Variants in OTUD7A observed in about 807,000 individuals in gnomAD.
OTUD7A encodes OTU deubiquitinase 7A, also known as OTU domain-containing protein 7A.
A neutral mutation model predicts 65.7 loss-of-function variants in OTUD7A; 12 were observed. That is an observed-to-expected ratio of 0.18 (90% CI 0.12 to 0.30). OTUD7A has a LOEUF of 0.30. Ranked by LOEUF, OTUD7A falls within the 10% of genes least tolerant of loss-of-function variation. OTUD7A has a pLI of 1.00. For synonymous variants in OTUD7A, 641 were observed against 586.3 expected (o/e 1.09, Z -1.35); for missense variants, 1,148 against 1,304.8 (o/e 0.88, Z 1.85).
chr15:31,869,315 C>A (rs1441117218), intron 1 of OTUD7A, among the ~76,000 whole-genome samples: 1 of 152,196 alleles, frequency 6.6e-6, no homozygotes, highest in Non-Finnish European at 1.5e-5. Context: ...AACCTGCCTC[C>A]CCGCCTTCGC....
At chr15:31,865,791 C>T (rs931499823) in intron 1 of OTUD7A, among the ~76,000 whole-genome samples, 3 of 152,132 alleles carry the variant, frequency 2.0e-5, no homozygotes, top group Non-Finnish European at 1.5e-5. Flanking sequence ...TCTGTTCACA[C>T]CAATCCCCAG....
At chr15:31,649,350 C>T (rs901848961) in intron 3 of OTUD7A, among the ~76,000 whole-genome samples, 3 of 152,196 alleles carry the variant, frequency 2.0e-5, no homozygotes, top group African/African-American at 7.2e-5. Flanking sequence ...CTCCTCCTTT[C>T]TCTTATTGGC....
chr15:31,481,975 T>C lies in OTUD7A; in HGVS notation c.*1319A>G, dbSNP rs1566875787. On this transcript the variant is annotated 3_prime_UTR_variant, in exon 13 of 13. Transcript: ENST00000307050. ...GGATTTTACCCATCTTATCCTCATT[T>C]CTTGGAAACAAGCTCGTTCCTTAGT... is the stretch of plus-strand genomic sequence containing the variant. 6.6e-6 allele frequency: 1 copy of C among 152,238 alleles called. No homozygotes were observed. The highest frequency in any genetic ancestry group is 1.5e-5 in the Non-Finnish European group (1 of 68,040). The allele number at this position is 152,238 out of a possible 1,614,324, so 9.4% of individuals were successfully genotyped here.
chr15:31,584,805 T>C (rs2141188708), intron 3 of OTUD7A, among the ~76,000 whole-genome samples: 1 of 152,266 alleles, frequency 6.6e-6, no homozygotes, highest in South Asian at 2.1e-4. Flanking sequence ...GTCTGCAAGG[T>C]GCAGTGTTCA....
At chr15:31,690,168 T>C (rs1054873226) in intron 1 of OTUD7A, among the ~76,000 whole-genome samples, 1 of 152,232 alleles carries the variant, frequency 6.6e-6, no homozygotes, top group African/African-American at 2.4e-5. Flanking sequence ...GTTGAAATCA[T>C]TTAAAATGTT....
In OTUD7A at chr15:31,855,555, A is replaced by G. The variant is rs1011455143; in HGVS notation, c.-100+14952T>C. On this transcript the variant is annotated intron_variant, in intron 1 of 12. Coordinates refer to ENST00000307050, the MANE Select transcript of OTUD7A (RefSeq NM_001382637.1). ...ATGTATCCACTGGAACTACTGATAA[A>G]AAGACTGATACTGTGTGATCCTGGA... 3.9e-5 allele frequency among the ~76,000 whole-genome samples: 6 copies of G among 152,232 alleles called. 1 individual carries two copies. The highest frequency in any genetic ancestry group is 8.8e-5 in the Non-Finnish European group (6 of 68,046).
In OTUD7A at chr15:31,484,512, G is replaced by A; in HGVS notation, c.1584C>T (p.Ser528=). 6.2e-7 allele frequency: 1 copy of A among 1,610,086 alleles called. No individual in the cohort carries two copies. Among genetic ancestry groups the A allele is most frequent in the East Asian group, 2.2e-5 (1 of 44,858 alleles). The change falls in exon 13 of 13, where the codon AGC becomes AGT. Residue 528 remains serine, a synonymous_variant. Coordinates refer to ENST00000307050, the MANE Select transcript of OTUD7A (RefSeq NM_001382637.1). This position sits in a 1 kb window ranked among gnomAD's most constrained non-coding sequence, Gnocchi z 4.5. ...DSVANKLGSF[S]KTLGIKLKKN... ...TCTTCAGCTTGATGCCCAGCGTCTT[G>A]CTGAAGCTGCCCAGCTTGTTGGCCA...
chr15:31,660,215 G>A (rs943946198), intron 1 of OTUD7A, among the ~76,000 whole-genome samples: 9 of 152,226 alleles, frequency 5.9e-5, no homozygotes, highest in Admixed American at 5.9e-4. Flanking sequence ...CCGGCCTGGC[G>A]AGGAAGCCCA....
intron 1 of OTUD7A, among the ~76,000 whole-genome samples, chr15:31,716,896 C>T (rs1250463107): frequency 1.3e-5 from 2 of 152,130 alleles, no homozygotes; most frequent in African/African-American, 4.8e-5. Flanking sequence ...ACATCCTGCT[C>T]GATAATGTGG....
At chr15:31,568,909 C>A (rs528932151) in intron 4 of OTUD7A, among the ~76,000 whole-genome samples, 1 of 152,198 alleles carries the variant, frequency 6.6e-6, no homozygotes, top group Non-Finnish European at 1.5e-5. Context: ...GAGGCCTCCC[C>A]AGAAGCTGAG....
intron 3 of OTUD7A, among the ~76,000 whole-genome samples, chr15:31,653,606 G>T (rs1891905501): frequency 6.7e-6 from 1 of 150,114 alleles, no homozygotes; most frequent in Non-Finnish European, 1.5e-5. Context: ...TGGGGTAGGG[G>T]AGGGTCTGAT....
chr15:31,497,550 A>G (rs1472589727), intron 10 of OTUD7A, among the ~76,000 whole-genome samples: 1 of 152,144 alleles, frequency 6.6e-6, no homozygotes, highest in East Asian at 1.9e-4. Flanking sequence ...GTGCCTGGCC[A>G]ATAAATATTA....
At position 31,509,946 on chromosome 15, in the gene OTUD7A, C is replaced by CT. The variant is rs200196473; in HGVS notation, c.894-6129dup. Among the ~76,000 whole-genome samples, 427 of 143,156 alleles carry CT rather than the reference C, an allele frequency of 3.0e-3. 4 individuals carry two copies. Among genetic ancestry groups the CT allele is most frequent in the African/African-American group, 9.4e-3 (363 of 38,794 alleles). The allele number at this position is 143,156 out of a possible 152,430, so 93.9% of individuals were successfully genotyped here. A position where few individuals can be genotyped will look rare whatever the true frequency, so the allele number is the denominator to read the frequency against. ...TTTTTCTTATTTGCACTTTATTTTC[C>CT]TTTTTTTTTAATTTGCATTTATTTT... On this transcript the variant is annotated intron_variant, in intron 8 of 12. Transcript: ENST00000307050.
chr15:31,801,329 G>A (rs79264770), intron 1 of OTUD7A, among the ~76,000 whole-genome samples: 56 of 152,328 alleles, frequency 3.7e-4, no homozygotes, highest in African/African-American at 1.3e-3. Flanking sequence ...GGAACACCAG[G>A]AACTGCACTA....
At chr15:31,657,953 G>A (rs1173542973) in intron 1 of OTUD7A, among the ~76,000 whole-genome samples, 10 of 152,170 alleles carry the variant, frequency 6.6e-5, no homozygotes, top group Non-Finnish European at 8.8e-5. Context: ...TGGACAGAAT[G>A]TCTCTGAAGG....
intron 5 of OTUD7A, among the ~76,000 whole-genome samples, chr15:31,538,211 G>C (rs980138679): frequency 6.6e-6 from 1 of 152,172 alleles, no homozygotes; most frequent in African/African-American, 2.4e-5. Context: ...GCCTGATGCG[G>C]CCACAGCTAC....
At chr15:31,803,952 G>GTGA (rs1270386192) in intron 1 of OTUD7A, among the ~76,000 whole-genome samples, 1 of 152,172 alleles carries the variant, frequency 6.6e-6, no homozygotes, top group Non-Finnish European at 1.5e-5. Context: ...TCAGATCAAG[G>GTGA]TGATGATACC....
At chr15:31,601,315 AC>A (rs1890066895) in intron 3 of OTUD7A, among the ~76,000 whole-genome samples, 1 of 152,164 alleles carries the variant, frequency 6.6e-6, no homozygotes, top group Non-Finnish European at 1.5e-5. Flanking sequence ...CTCACCCAAA[AC>A]TGCACAACAA....
chr15:31,756,233 T>C (rs982865346), intron 1 of OTUD7A, among the ~76,000 whole-genome samples: 2 of 152,266 alleles, frequency 1.3e-5, no homozygotes, highest in African/African-American at 4.8e-5. Flanking sequence ...ACAGTGTATC[T>C]TTCTTTTTAT....
Sources: gnomAD v4.1 joint callset for allele counts (sites outside exome capture counted in the v4.1 genomes callset) on GRCh38, gnomAD v4.1.1 for gene constraint, Gnocchi (gnomAD v3.1) non-coding constraint, MANE v1.5 for transcripts, NCBI Gene and HGNC (gene_info 2026-07-23, HGNC 2026-07-21) for gene names.